The following TMPRSS2 variants were observed in gnomAD, a reference collection of about 807,000 sequenced individuals.
TMPRSS2 encodes transmembrane protease serine 2.
TMPRSS2 carries 59 observed loss-of-function variants against 67.4 expected under a neutral mutation model. The observed-to-expected ratio is 0.88, with a 90% CI of 0.71 to 1.09. The LOEUF (loss-of-function observed/expected upper bound fraction) is 1.09, where lower values mean the gene tolerates loss of function less well. TMPRSS2 is among the 50% of genes least tolerant of loss of function. The pLI, the probability that TMPRSS2 is intolerant of heterozygous loss-of-function variation, is 0.00. For missense variants in TMPRSS2, 668 were observed against 642.7 expected, an observed-to-expected ratio of 1.04 and a Z score of -0.43; for synonymous variants, 257 against 257.0, an observed-to-expected ratio of 1.00 and a Z score of 0.00.
chr21:41,502,415 C>T (rs2091430542), intron 1 of TMPRSS2: 1 of 985,386 alleles, frequency 1.0e-6, no homozygotes, highest in East Asian at 1.1e-4. Flanking sequence ...CTTCTCGAAG[C>T]CCCCACCTGT....
At chr21:41,505,579 C>T (rs567188556) in intron 1 of TMPRSS2, among the ~76,000 whole-genome samples, 1 of 152,328 alleles carries the variant, frequency 6.6e-6, no homozygotes, top group African/African-American at 2.4e-5. Context: ...GAGTTCCAGG[C>T]ACTCTGGCCA....
chr21:41,475,251 TGA>T (rs1448869995), intron 8 of TMPRSS2, among the ~76,000 whole-genome samples: 9 of 3,142 alleles, frequency 2.9e-3, no homozygotes, highest in African/African-American at 0.028. Context: ...GGTGAATGGG[TGA>T]GAGAGGGGGT....
Position 41,464,925 on chromosome 21 carries a change from C to A in TMPRSS2, c.*1217G>T, listed in dbSNP as rs564403172. 1 of 233,176 alleles carries A rather than the reference C, an allele frequency of 4.3e-6. No homozygotes were observed. Among genetic ancestry groups the A allele is most frequent in the Non-Finnish European group, 8.5e-6 (1 of 118,072 alleles). 14.4% of individuals were successfully genotyped at this position (233,176 alleles called of 1,614,324 possible). ...GAGGCAGAACCATGGTAGAGTAGTGCTCATGGTTATGGCACTTGGCAATGC... is the reference window on the plus strand; with the variant it reads ...GAGGCAGAACCATGGTAGAGTAGTGATCATGGTTATGGCACTTGGCAATGC... On this transcript the variant is annotated 3_prime_UTR_variant, in exon 14 of 14. Transcript: ENST00000332149.
chr21:41,482,221 G>A (rs755171320), intron 5 of TMPRSS2, among the ~76,000 whole-genome samples: 1 of 151,944 alleles, frequency 6.6e-6, no homozygotes, highest in African/African-American at 2.4e-5. Context: ...TACAAACACC[G>A]TTGAAGTCGC....
chr21:41,488,635 G>A (rs923366783), intron 4 of TMPRSS2, 122 bp from the exon 5 acceptor site: 69 of 1,056,664 alleles, frequency 6.5e-5, no homozygotes, highest in Non-Finnish European at 8.7e-5. Flanking sequence ...GCCCCACTGT[G>A]TTTTGTTTTG....
At chr21:41,482,732 G>C (rs980528078) in intron 5 of TMPRSS2, among the ~76,000 whole-genome samples, 2 of 152,160 alleles carry the variant, frequency 1.3e-5, no homozygotes, top group Non-Finnish European at 2.9e-5. Context: ...GCTACATCTG[G>C]ACAACGGAAT....
chr21:41,467,587 T>C (rs1349520508), intron 13 of TMPRSS2, 147 bp downstream of exon 13: 4 of 834,608 alleles, frequency 4.8e-6, no homozygotes, highest in Non-Finnish European at 7.5e-6. Context: ...ACTGGGGGGA[T>C]GGGGCTGTGG....
At chr21:41,467,556 G>A (rs968509511) in intron 13 of TMPRSS2, among the ~76,000 whole-genome samples, 178 bp downstream of exon 13, 3 of 152,152 alleles carry the variant, frequency 2.0e-5, no homozygotes, top group Admixed American at 2.0e-4. Context: ...GCCAGTGAGA[G>A]GCAATGGGCA....
At chr21:41,493,744 G>A (rs544983081) in intron 3 of TMPRSS2, among the ~76,000 whole-genome samples, 2 of 152,328 alleles carry the variant, frequency 1.3e-5, no homozygotes, top group South Asian at 2.1e-4. Context: ...AAAGAAAGGA[G>A]ATGAATGGTA....
rs2091215409 is a variant in TMPRSS2, at chr21:41,476,623, G to A, written c.684-3C>T. The A allele has an allele frequency of 1.3e-6, 2 of 1,491,968 alleles. No individual in the cohort carries two copies. The highest frequency in any genetic ancestry group is 9.0e-7 in the Non-Finnish European group (1 of 1,115,444). The allele number at this position is 1,491,968 out of a possible 1,614,324, so 92.4% of individuals were successfully genotyped here. A position where few individuals can be genotyped will look rare whatever the true frequency, so the allele number is the denominator to read the frequency against. On this transcript the variant is annotated splice_region_variant and splice_polypyrimidine_tract_variant and intron_variant, in intron 7 of 13. Coordinates refer to ENST00000332149, the MANE Select transcript of TMPRSS2 (RefSeq NM_005656.4). ...CTGCTTTTGAAGAACAGGCATCACT[G>A]CAAAAAGAACAGGGGAAATTCTGGT...
At chr21:41,471,338 C>T (rs1224973724) in intron 10 of TMPRSS2, among the ~76,000 whole-genome samples, 1 of 152,202 alleles carries the variant, frequency 6.6e-6, no homozygotes, top group South Asian at 2.1e-4. Flanking sequence ...GATCTTTACA[C>T]ATTTTAGGCC....
intron 1 of TMPRSS2, among the ~76,000 whole-genome samples, chr21:41,502,763 G>A (rs1211127183): frequency 6.6e-6 from 1 of 152,186 alleles, no homozygotes; most frequent in Non-Finnish European, 1.5e-5. Context: ...GAGAAAGGTT[G>A]AGCGAGAAAC....
At chr21:41,477,208 G>A (rs554357472) in intron 7 of TMPRSS2, among the ~76,000 whole-genome samples, 6 of 152,232 alleles carry the variant, frequency 3.9e-5, no homozygotes, top group African/African-American at 9.6e-5. Context: ...GGCCCGCCCT[G>A]ATAGCTGGGC....
At chr21:41,500,838 C>G (rs937915527) in intron 1 of TMPRSS2, among the ~76,000 whole-genome samples, 1 of 152,182 alleles carries the variant, frequency 6.6e-6, no homozygotes, top group Non-Finnish European at 1.5e-5. Flanking sequence ...GAGAGAGGAT[C>G]CTCAGGCTTG....
At chr21:41,481,759 GT>G (rs1316718200) in intron 5 of TMPRSS2, among the ~76,000 whole-genome samples, 2 of 152,000 alleles carry the variant, frequency 1.3e-5, no homozygotes, top group East Asian at 3.8e-4. Flanking sequence ...TCAATAAGCT[GT>G]TTTTAAAAAT....
chr21:41,480,443 A>G (rs1341123235), intron 6 of TMPRSS2, 33 bp downstream of exon 6: 3 of 1,607,856 alleles, frequency 1.9e-6, no homozygotes, highest in Non-Finnish European at 2.6e-6. Flanking sequence ...GCTGTCTGTT[A>G]CTGTCACTCG....
At chr21:41,493,322 G>A (rs1376351056) in intron 3 of TMPRSS2, among the ~76,000 whole-genome samples, 2 of 152,182 alleles carry the variant, frequency 1.3e-5, no homozygotes, top group Non-Finnish European at 2.9e-5. Flanking sequence ...ACAGGAGGTG[G>A]CTGGAGAGGA....
At chr21:41,491,007 A>G (rs1472746356) in intron 3 of TMPRSS2, among the ~76,000 whole-genome samples, 2 of 152,172 alleles carry the variant, frequency 1.3e-5, no homozygotes, top group Non-Finnish European at 2.9e-5. Context: ...GCTCGATGCC[A>G]TACCTCTCTC....
chr21:41,490,543 G>A (rs1447081618), intron 3 of TMPRSS2, among the ~76,000 whole-genome samples: 1 of 152,236 alleles, frequency 6.6e-6, no homozygotes, highest in Non-Finnish European at 1.5e-5. Flanking sequence ...GCCAGTGCAG[G>A]CCTTTTGGTC....
Sources: gnomAD v4.1 joint callset for allele counts (sites outside exome capture counted in the v4.1 genomes callset) on GRCh38, gnomAD v4.1.1 for gene constraint, MANE v1.5 for transcripts, NCBI Gene and HGNC (gene_info 2026-07-23, HGNC 2026-07-21) for gene names.